The following NELL1 variants were observed in gnomAD, a reference collection of about 807,000 sequenced individuals.
NELL1 encodes the protein protein kinase C-binding protein NELL1.
NELL1 carries 76 observed loss-of-function variants against 107.4 expected under a neutral mutation model. The observed-to-expected ratio is 0.71, with a 90% CI of 0.59 to 0.86. NELL1 has a LOEUF of 0.86. Among genes scored for constraint, NELL1 ranks in the 40% least tolerant of loss-of-function variants. The pLI, the probability that NELL1 is intolerant of heterozygous loss-of-function variation, is 0.00. For missense variants in NELL1, 1,024 were observed against 1,005.5 expected (o/e 1.02, Z -0.25); for synonymous variants, 353 against 341.2 (o/e 1.03, Z -0.38).
intron 11 of NELL1, among the ~76,000 whole-genome samples, chr11:20,950,311 T>C (rs1851045049): frequency 6.6e-6 from 1 of 152,170 alleles, no homozygotes; most frequent in South Asian, 2.1e-4. Flanking sequence ...ATGTCTCTTT[T>C]TCATGAAACC....
chr11:21,574,254 A>T (rs199680372), intron 19 of NELL1, among the ~76,000 whole-genome samples: 40 of 32,262 alleles, frequency 1.2e-3, no homozygotes, highest in Non-Finnish European at 8.4e-3. Context: ...ATAAATGTAG[A>T]TTTTTTTTTT....
At chr11:20,856,750 C>T (rs923930311) in intron 4 of NELL1, among the ~76,000 whole-genome samples, 3 of 152,214 alleles carry the variant, frequency 2.0e-5, no homozygotes, top group Admixed American at 6.5e-5. Flanking sequence ...ATTTTAGCCT[C>T]AGAAGCATAA....
chr11:20,998,353 TTTAGA>T (rs1454901883), intron 12 of NELL1, among the ~76,000 whole-genome samples: 15 of 152,320 alleles, frequency 9.8e-5, no homozygotes, highest in Admixed American at 9.8e-4. Context: ...CTGCATTTAG[TTTAGA>T]TAACATAAGC....
intron 13 of NELL1, among the ~76,000 whole-genome samples, chr11:21,156,547 G>A (rs536516368): frequency 6.6e-6 from 1 of 152,182 alleles, no homozygotes; most frequent in South Asian, 2.1e-4. Context: ...ACCTGGAAGG[G>A]GAGAAAATTG....
chr11:20,743,224 C>T (rs1855931775), intron 2 of NELL1, among the ~76,000 whole-genome samples: 1 of 151,964 alleles, frequency 6.6e-6, no homozygotes, highest in African/African-American at 2.4e-5. Flanking sequence ...TGTGATGGCG[C>T]ACACCTGTAA....
At chr11:20,869,124 A>G (rs1178419236) in intron 4 of NELL1, among the ~76,000 whole-genome samples, 1 of 152,212 alleles carries the variant, frequency 6.6e-6, no homozygotes, top group African/African-American at 2.4e-5. Flanking sequence ...GGAGAGGCTC[A>G]TAAGGCCTTA....
intron 15 of NELL1, among the ~76,000 whole-genome samples, chr11:21,451,049 T>C (rs1311706294): frequency 6.6e-6 from 1 of 150,798 alleles, no homozygotes; most frequent in Non-Finnish European, 1.5e-5. Context: ...AAGCCGGGTG[T>C]GATGGTGGGC....
In NELL1 at chr11:20,912,647, C is replaced by CT. The variant is rs570446768; in HGVS notation, c.604-5534dup. Among the ~76,000 whole-genome samples the CT allele has an allele frequency of 8.5e-4, 129 of 152,230 alleles. 1 individual carries two copies. In the Middle Eastern group the frequency reaches 0.02, roughly 24 times the overall value. Reference sequence around the variant, plus strand: ...TGTCTTTGTTTCTCTGTCTCTGTGTCTGTCTGGTGAACTTGGGTCTGAAAC... The same window carrying CT: ...TGTCTTTGTTTCTCTGTCTCTGTGTCTTGTCTGGTGAACTTGGGTCTGAAAC... On this transcript the variant is annotated intron_variant, in intron 5 of 19. Coordinates refer to ENST00000357134, the MANE Select transcript of NELL1 (RefSeq NM_006157.5).
chr11:20,731,696 A>G (rs769391203), intron 2 of NELL1, among the ~76,000 whole-genome samples: 4 of 152,240 alleles, frequency 2.6e-5, no homozygotes, highest in African/African-American at 4.8e-5. Flanking sequence ...TCTGCACATC[A>G]GTTTTCTTAT....
chr11:20,704,925 G>A lies in NELL1; in HGVS notation c.184+26865G>A, dbSNP rs191112730. Among the ~76,000 whole-genome samples the A allele has an allele frequency of 7.1e-3, 1,085 of 152,184 alleles. 9 individuals carry two copies. Among genetic ancestry groups the A allele is most frequent in the African/African-American group, 0.025 (1,035 of 41,518 alleles). ...CTCCCATTCACAATTGCTTCAAAGA[G>A]AATAAAATACCTAGGAATCCAATTT... is the stretch of plus-strand genomic sequence containing the variant. On this transcript the variant is annotated intron_variant, in intron 2 of 19. Transcript: ENST00000357134.
chr11:20,671,750 G>T (rs1437227425), intron 1 of NELL1, among the ~76,000 whole-genome samples: 1 of 149,384 alleles, frequency 6.7e-6, no homozygotes, highest in African/African-American at 2.5e-5. Context: ...AAACTGGCAG[G>T]CATTTTAATT....
intron 12 of NELL1, among the ~76,000 whole-genome samples, chr11:21,025,719 G>A (rs575828144): frequency 3.9e-5 from 6 of 152,162 alleles, no homozygotes; most frequent in African/African-American, 1.4e-4. Context: ...TGATGCCCAT[G>A]TTTACATCTG....
intron 12 of NELL1, among the ~76,000 whole-genome samples, chr11:21,024,816 C>T (rs1034763606): frequency 1.3e-5 from 2 of 152,032 alleles, no homozygotes; most frequent in African/African-American, 4.8e-5. Context: ...TATTTATGTA[C>T]ATTATGGTTC....
intron 14 of NELL1, among the ~76,000 whole-genome samples, chr11:21,274,964 A>G (rs1848821869): frequency 6.6e-6 from 1 of 152,238 alleles, no homozygotes; most frequent in African/African-American, 2.4e-5. Flanking sequence ...TCTAAAATTG[A>G]TACCCTAACA....
intron 16 of NELL1, among the ~76,000 whole-genome samples, chr11:21,550,995 G>C (rs10766830): frequency 2.7e-5 from 4 of 149,858 alleles, no homozygotes; most frequent in African/African-American, 4.9e-5. Context: ...CTTCCATTTG[G>C]TTTTATCCTC....
intron 16 of NELL1, among the ~76,000 whole-genome samples, chr11:21,542,340 GGGA>G: frequency 6.6e-6 from 1 of 152,182 alleles, no homozygotes; most frequent in East Asian, 1.9e-4. Flanking sequence ...CTTTCTGGAA[GGGA>G]GGAGAACAGT....
intron 12 of NELL1, among the ~76,000 whole-genome samples, chr11:21,022,803 A>G (rs1852731289): frequency 1.3e-5 from 2 of 152,130 alleles, no homozygotes; most frequent in Non-Finnish European, 1.5e-5. Context: ...GTTAAATTAG[A>G]TTATGTATGT....
intron 12 of NELL1, among the ~76,000 whole-genome samples, chr11:21,048,600 G>T (rs907945965): frequency 6.6e-6 from 1 of 152,048 alleles, no homozygotes; most frequent in Non-Finnish European, 1.5e-5. Flanking sequence ...CTGTGACTTA[G>T]GCTTGACCTT....
chr11:21,020,145 A>T (rs116813793), intron 12 of NELL1, among the ~76,000 whole-genome samples: 2,370 of 152,248 alleles, frequency 0.016, 53 homozygotes, highest in African/African-American at 0.054. Context: ...AAAATACTAT[A>T]TGCCAATTAA....
Sources: allele counts gnomAD v4.1 joint callset (sites outside exome capture counted in the v4.1 genomes callset), GRCh38; gene constraint gnomAD v4.1.1; transcripts MANE v1.5; gene names NCBI Gene and HGNC (gene_info 2026-07-23, HGNC 2026-07-21).